Variants in RNF126 observed in about 807,000 individuals in gnomAD.
RNF126 encodes the protein ring finger protein 126.
In RNF126, 20 loss-of-function variants were observed where a neutral mutation model predicts 41.9. The observed-to-expected ratio is 0.48, with a 90% confidence interval of 0.34 to 0.69. RNF126 has a LOEUF of 0.69. RNF126 is among the 30% of genes least tolerant of loss of function. The pLI is 0.01. For missense variants in RNF126, 433 were observed against 460.6 expected, an observed-to-expected ratio of 0.94 and a Z score of 0.55; for synonymous variants, 239 against 202.9, an observed-to-expected ratio of 1.18 and a Z score of -1.51.
intron 1 of RNF126, among the ~76,000 whole-genome samples, chr19:655,253 C>A (rs1241335216): frequency 6.6e-6 from 1 of 151,650 alleles, no homozygotes; most frequent in African/African-American, 2.4e-5. Flanking sequence ...TGGCTTGAGT[C>A]CAGGAGATCG....
At chr19:655,792 G>A (rs1600638642) in intron 1 of RNF126, among the ~76,000 whole-genome samples, 1 of 152,106 alleles carries the variant, frequency 6.6e-6, no homozygotes, top group East Asian at 1.9e-4. Flanking sequence ...CATCATCGTC[G>A]TCGGCAGATG....
intron 4 of RNF126, chr19:650,529 C>G: frequency 2.5e-6 from 1 of 406,660 alleles, no homozygotes; most frequent in Non-Finnish European, 4.3e-6. Context: ...GCGATCCTCC[C>G]GCCTCAGCCT....
Position 652,249 on chromosome 19 carries a change from C to T in RNF126, c.182G>A (p.Ser61Asn). The T allele has an allele frequency of 1.9e-6, 3 of 1,543,022 alleles. No homozygotes were observed. Among genetic ancestry groups the T allele is most frequent in the South Asian group, 1.3e-5 (1 of 79,198 alleles). Residue 61 changes from serine (S) to asparagine (N), a missense_variant, in exon 3 of 9, where the codon AGC becomes AAC. Physicochemically the swap from Ser to Asn is conservative, Grantham distance 46. Coordinates refer to ENST00000292363, the MANE Select transcript of RNF126 (RefSeq NM_194460.3). Reference protein sequence around the residue: ...SAPSTAPTDQSRPPLEHVDQH... With the variant: ...SAPSTAPTDQNRPPLEHVDQH... ...GCGACTCACCTCCAACGGTGGCCGG[C>T]TCTGGTCTGTGGGAGCTGTGGAGGG...
At chr19:657,672 C>T (rs1198209578) in intron 1 of RNF126, among the ~76,000 whole-genome samples, 3 of 152,198 alleles carry the variant, frequency 2.0e-5, no homozygotes, top group Non-Finnish European at 4.4e-5. Flanking sequence ...AATCCGGGTG[C>T]CATCGAGGAC....
At chr19:652,491 A>G in intron 2 of RNF126, 195 bp from the exon 3 acceptor site, 1 of 599,414 alleles carries the variant, frequency 1.7e-6, no homozygotes. Flanking sequence ...TTCTCGATAA[A>G]CCGGTGCAGA....
chr19:647,977 C>T lies in RNF126; in HGVS notation c.*151G>A, dbSNP rs1018247856. On this transcript the variant is annotated 3_prime_UTR_variant, in exon 9 of 9. Transcript: ENST00000292363. Reference sequence around the variant, plus strand: ...TTCCCAAGCCAGGGGGCCGGTGGGCCGGGCCCGGGTCCTGCCCTGGAACAG... The same window carrying T: ...TTCCCAAGCCAGGGGGCCGGTGGGCTGGGCCCGGGTCCTGCCCTGGAACAG... The T allele has an allele frequency of 1.9e-4, 189 of 990,352 alleles. No individual in the cohort carries two copies. The highest frequency in any genetic ancestry group is 2.5e-4 in the Non-Finnish European group (172 of 694,864). The allele number at this position is 990,352 out of a possible 1,614,324, so 61.3% of individuals were successfully genotyped here.
Position 648,447 on chromosome 19 carries a change from C to T in RNF126, c.711G>A (p.Ala237=), listed in dbSNP as rs779853295. The change falls in exon 8 of 9, where the codon GCG becomes GCA. Residue 237 remains alanine (A), a synonymous_variant. Transcript: ENST00000292363. ...LECPVCKDDY[A]LGERVRQLPC... ...GCAGCTGCCGCACACGCTCACCCAG[C>T]GCGTAGTCGTCCTTGCACACAGGGC... 15 of 1,590,550 alleles carry T rather than the reference C, an allele frequency of 9.4e-6. No individual in the cohort carries two copies. Among genetic ancestry groups the T allele is most frequent in the Admixed American group, 5.1e-5 (3 of 58,256 alleles).
At chr19:656,491 A>G (rs2030566519) in intron 1 of RNF126, among the ~76,000 whole-genome samples, 1 of 152,126 alleles carries the variant, frequency 6.6e-6, no homozygotes, top group Admixed American at 6.6e-5. Context: ...TCTACTAAAA[A>G]TACAAAAATT....
intron 4 of RNF126, chr19:651,265 C>T: frequency 5.2e-6 from 1 of 193,410 alleles, no homozygotes; most frequent in Non-Finnish European, 1.0e-5. Context: ...GGCTCCGTTC[C>T]ACCAGGAGTG....
chr19:655,745 C>T (rs913314477), intron 1 of RNF126, among the ~76,000 whole-genome samples: 3 of 152,134 alleles, frequency 2.0e-5, no homozygotes, highest in Non-Finnish European at 4.4e-5. Context: ...GTTCACATGG[C>T]CAGAACTGGC....
At chr19:649,868 G>A (rs932196324) in intron 5 of RNF126, 120 bp from the exon 6 acceptor site, 3 of 679,334 alleles carry the variant, frequency 4.4e-6, no homozygotes, top group Non-Finnish European at 7.8e-6. Flanking sequence ...CTACTCACCA[G>A]GGACCCTGGC....
Position 652,814 on chromosome 19 carries a change from G to T in RNF126, c.134+12C>A, listed in dbSNP as rs370588810. 6.2e-7 allele frequency: 1 copy of T among 1,612,074 alleles called. No homozygotes were observed. The highest frequency in any genetic ancestry group is 1.1e-5 in the South Asian group (1 of 90,756). On this transcript the variant is annotated intron_variant, in intron 2 of 8. Transcript: ENST00000292363. ...TGGCTCTTCCAGCCTCTTCAACAGG[G>T]GGCTGCATTACCTGGTCTCTTCCGG...
At chr19:650,843 C>T (rs908502866) in intron 4 of RNF126, among the ~76,000 whole-genome samples, 6 of 152,084 alleles carry the variant, frequency 3.9e-5, no homozygotes, top group Non-Finnish European at 7.4e-5. Flanking sequence ...CTGCCCGCCT[C>T]GGCCTCCCAA....
intron 1 of RNF126, among the ~76,000 whole-genome samples, chr19:653,183 C>A (rs578013229): frequency 1.3e-5 from 2 of 151,826 alleles, no homozygotes; most frequent in East Asian, 3.9e-4. Context: ...CCTGCCCCAC[C>A]GTGACGGGCG....
chr19:649,914 G>A (rs578097717), intron 5 of RNF126, among the ~76,000 whole-genome samples, 166 bp from the exon 6 acceptor site: 1 of 146,814 alleles, frequency 6.8e-6, no homozygotes, highest in Non-Finnish European at 1.5e-5. Context: ...CCACTCACCA[G>A]GGGCCCAGGC....
At chr19:654,084 G>C (rs565167585) in intron 1 of RNF126, among the ~76,000 whole-genome samples, 1 of 152,234 alleles carries the variant, frequency 6.6e-6, no homozygotes, top group Non-Finnish European at 1.5e-5. Flanking sequence ...GGGGTCTGGC[G>C]TGCAGTGCCC....
At chr19:651,925 A>G in intron 3 of RNF126, 70 bp from the exon 4 acceptor site, 1 of 1,427,524 alleles carries the variant, frequency 7.0e-7, no homozygotes, top group Non-Finnish European at 9.5e-7. Flanking sequence ...GCTAGGGCAC[A>G]AAGACAAAGG....
chr19:660,367 G>C (rs911822024), intron 1 of RNF126, among the ~76,000 whole-genome samples: 1 of 152,266 alleles, frequency 6.6e-6, no homozygotes, highest in Non-Finnish European at 1.5e-5. Flanking sequence ...CGGCCCAGCT[G>C]CCTGGGAGAA....
intron 7 of RNF126, among the ~76,000 whole-genome samples, 170 bp downstream of exon 7, chr19:648,712 T>C (rs2030104934): frequency 6.6e-6 from 1 of 152,192 alleles, no homozygotes; most frequent in African/African-American, 2.4e-5. Flanking sequence ...CTCACGCCTG[T>C]CATCCCAGCA....
Sources: gnomAD v4.1 joint callset for allele counts (sites outside exome capture counted in the v4.1 genomes callset) on GRCh38, gnomAD v4.1.1 for gene constraint, MANE v1.5 for transcripts, NCBI Gene and HGNC (gene_info 2026-07-23, HGNC 2026-07-21) for gene names.